CREB3L2: variants seen among roughly 807,000 people sequenced by gnomAD.
CREB3L2 encodes cAMP responsive element binding protein 3 like 2.
Under a neutral mutation model 57.2 loss-of-function variants are expected in CREB3L2, and 23 were observed. The ratio of observed to expected loss-of-function variants is 0.40; its 90% CI spans 0.29 to 0.57. CREB3L2 has a LOEUF of 0.57. Ranked by LOEUF, CREB3L2 falls within the 20% of genes least tolerant of loss-of-function variation. The pLI is 0.42. For synonymous variants in CREB3L2, 268 were observed against 265.1 expected, an observed-to-expected ratio of 1.01 and a Z score of -0.11; for missense variants, 628 against 634.7, an observed-to-expected ratio of 0.99 and a Z score of 0.11.
chr7:137,951,088 C>A (rs1386003052), intron 1 of CREB3L2, among the ~76,000 whole-genome samples: 2 of 152,218 alleles, frequency 1.3e-5, no homozygotes, highest in African/African-American at 4.8e-5. Flanking sequence ...TGAAAAAGGG[C>A]ACACTCTGCC....
chr7:137,905,358 A>G (rs564081381), intron 6 of CREB3L2, among the ~76,000 whole-genome samples: 1 of 148,392 alleles, frequency 6.7e-6, no homozygotes, highest in Non-Finnish European at 1.5e-5. Flanking sequence ...AAACTATTGT[A>G]TATATCATAC....
At chr7:137,941,517 T>C (rs758570303) in intron 1 of CREB3L2, among the ~76,000 whole-genome samples, 30 of 152,200 alleles carry the variant, frequency 2.0e-4, no homozygotes, top group South Asian at 8.3e-4. Flanking sequence ...CTTCTATCTC[T>C]AAGTGCTACC....
intron 1 of CREB3L2, among the ~76,000 whole-genome samples, chr7:137,941,521 T>C (rs1439697455): frequency 6.6e-6 from 1 of 152,188 alleles, no homozygotes; most frequent in Admixed American, 6.5e-5. Context: ...TATCTCTAAG[T>C]GCTACCAGAA....
chr7:137,985,298 C>G (rs1801773310), intron 1 of CREB3L2, among the ~76,000 whole-genome samples: 1 of 152,222 alleles, frequency 6.6e-6, no homozygotes, highest in African/African-American at 2.4e-5. Context: ...GAGAGGTTCT[C>G]TCGCTCAACA....
intron 8 of CREB3L2, among the ~76,000 whole-genome samples, chr7:137,890,304 G>A (rs191154468): frequency 1.8e-4 from 28 of 152,262 alleles, no homozygotes; most frequent in African/African-American, 6.7e-4. Flanking sequence ...AAAGAATCAA[G>A]GGTACTTCTT....
chr7:137,990,405 T>G (rs1394336463), intron 1 of CREB3L2, among the ~76,000 whole-genome samples: 1 of 152,216 alleles, frequency 6.6e-6, no homozygotes, highest in Non-Finnish European at 1.5e-5. Flanking sequence ...AACACAGCTC[T>G]CATGCAAAAC....
At chr7:137,941,846 C>T (rs1187919764) in intron 1 of CREB3L2, among the ~76,000 whole-genome samples, 2 of 152,136 alleles carry the variant, frequency 1.3e-5, no homozygotes, top group Admixed American at 1.3e-4. Flanking sequence ...TTACATGCCT[C>T]GCTAAAACTG....
At chr7:137,920,063 C>T (rs1800237997) in intron 2 of CREB3L2, among the ~76,000 whole-genome samples, 1 of 152,076 alleles carries the variant, frequency 6.6e-6, no homozygotes, top group African/African-American at 2.4e-5. Flanking sequence ...TGTTTAGAAG[C>T]CCTTGACTCA....
At chr7:137,885,646 T>A in intron 8 of CREB3L2, 144 bp from the exon 9 acceptor site, 1 of 676,330 alleles carries the variant, frequency 1.5e-6, no homozygotes, top group Non-Finnish European at 2.6e-6. Flanking sequence ...TGGAAGAAGA[T>A]ACGAACACCA....
rs1205274343 is a variant in CREB3L2 at position 138,002,026 on chromosome 7, GC to G, written c.-322del. 3 of 330,822 alleles carry G rather than the reference GC, an allele frequency of 9.1e-6. No individual in the cohort carries two copies. The highest frequency in any genetic ancestry group is 2.1e-5 in the African/African-American group (1 of 47,760). 20.5% of individuals were successfully genotyped at this position (330,822 alleles called of 1,614,324 possible). The stretch of plus-strand genomic sequence containing the variant: ...TCCCAGGAAAATCCCTTAGCCGCAA[GC>G]CCACTTGCCGCTACGGCTCCAGACA... On this transcript the variant is annotated 5_prime_UTR_variant, in exon 1 of 12. Coordinates refer to ENST00000330387, the MANE Select transcript of CREB3L2 (RefSeq NM_194071.4).
chr7:137,997,010 T>C (rs1454948668), intron 1 of CREB3L2, among the ~76,000 whole-genome samples: 1 of 152,212 alleles, frequency 6.6e-6, no homozygotes, highest in Non-Finnish European at 1.5e-5. Flanking sequence ...AAGATCTTGA[T>C]GTTTATCATG....
At position 137,879,084 on chromosome 7, in the gene CREB3L2, T is replaced by G; in HGVS notation, c.*1392A>C. ...AAAAAACACTTGAGGGTTTTCTACA[T>G]TACACAATAAAAAGGCAATTTCCAC... On this transcript the variant is annotated 3_prime_UTR_variant, in exon 12 of 12. Coordinates refer to ENST00000330387, the MANE Select transcript of CREB3L2 (RefSeq NM_194071.4). 1 of 475,380 alleles carries G rather than the reference T, an allele frequency of 2.1e-6. No individual in the cohort carries two copies. The highest frequency in any genetic ancestry group is 3.1e-5 in the Admixed American group (1 of 32,480). 29.4% of individuals were successfully genotyped at this position (475,380 alleles called of 1,614,324 possible). A position where few individuals can be genotyped will look rare whatever the true frequency, so the allele number is the denominator to read the frequency against.
At chr7:137,912,628 G>T (rs1176777982) in intron 4 of CREB3L2, among the ~76,000 whole-genome samples, 1 of 152,164 alleles carries the variant, frequency 6.6e-6, no homozygotes, top group Non-Finnish European at 1.5e-5. Flanking sequence ...TTTGTAGATG[G>T]TTGTTGATTT....
chr7:137,890,149 A>G (rs1226065290), intron 8 of CREB3L2, among the ~76,000 whole-genome samples: 1 of 152,230 alleles, frequency 6.6e-6, no homozygotes, highest in African/African-American at 2.4e-5. Flanking sequence ...CATAGACGGA[A>G]GAGCCACAAT....
intron 1 of CREB3L2, among the ~76,000 whole-genome samples, chr7:137,978,543 G>T (rs1378848816): frequency 1.3e-5 from 2 of 152,176 alleles, no homozygotes; most frequent in Non-Finnish European, 2.9e-5. Context: ...TCTGGAAGTT[G>T]GCAATGGCAG....
Position 137,904,073 on chromosome 7 carries a change from G to C in CREB3L2, c.916-56C>G. On this transcript the variant is annotated intron_variant, in intron 6 of 11. Coordinates refer to ENST00000330387, the MANE Select transcript of CREB3L2 (RefSeq NM_194071.4). The stretch of plus-strand genomic sequence containing the variant: ...AATTTCCAGCTCTGTAAGTAAACCA[G>C]TTAAGATGGGAGGTGGTTAGCGTAG... 7.1e-6 allele frequency: 10 copies of C among 1,403,406 alleles called. No individual in the cohort carries two copies. The South Asian group carries it at 1.0e-4, about 15-fold the overall frequency. 86.9% of individuals were successfully genotyped at this position (1,403,406 alleles called of 1,614,324 possible).
At chr7:137,893,074 GAA>G (rs949846330) in intron 8 of CREB3L2, among the ~76,000 whole-genome samples, 1 of 146,062 alleles carries the variant, frequency 6.8e-6, no homozygotes, top group African/African-American at 2.5e-5. Context: ...TGGCCTAAAT[GAA>G]AAAAAAAAGC....
At chr7:137,995,013 A>G (rs1410456168) in intron 1 of CREB3L2, among the ~76,000 whole-genome samples, 2 of 152,226 alleles carry the variant, frequency 1.3e-5, no homozygotes, top group Non-Finnish European at 2.9e-5. Context: ...ATCTAAGCTG[A>G]TAATATAAAT....
At chr7:137,927,083 C>G (rs1044305537) in intron 2 of CREB3L2, among the ~76,000 whole-genome samples, 1 of 151,956 alleles carries the variant, frequency 6.6e-6, no homozygotes, top group African/African-American at 2.4e-5. Flanking sequence ...CATGAGAGCC[C>G]AGGAGGTCAA....
Sources: gnomAD v4.1 joint callset for allele counts (sites outside exome capture counted in the v4.1 genomes callset) on GRCh38, gnomAD v4.1.1 for gene constraint, MANE v1.5 for transcripts, NCBI Gene and HGNC (gene_info 2026-07-23, HGNC 2026-07-21) for gene names.